The following PDGFB variants were observed in gnomAD, a reference collection of about 807,000 sequenced individuals.
The protein encoded by PDGFB is platelet derived growth factor subunit B.
PDGFB carries 6 observed loss-of-function variants against 29.0 expected under a neutral mutation model. The ratio of observed to expected loss-of-function variants is 0.21; its 90% CI spans 0.11 to 0.41. The LOEUF (loss-of-function observed/expected upper bound fraction) is 0.41. Among genes scored for constraint, PDGFB ranks in the 10% least tolerant of loss-of-function variants. The pLI is 1.00. For missense variants in PDGFB, 299 were observed against 341.8 expected (o/e 0.87, Z 0.99); for synonymous variants, 144 against 140.8 (o/e 1.02, Z -0.16).
chr22:39,228,566 C>T (rs910762632), intron 5 of PDGFB, among the ~76,000 whole-genome samples: 2 of 151,802 alleles, frequency 1.3e-5, no homozygotes, highest in Non-Finnish European at 2.9e-5. Flanking sequence ...GCACTCCAGC[C>T]TGGGTGATGG....
intron 2 of PDGFB, among the ~76,000 whole-genome samples, chr22:39,234,457 G>A (rs758243614): frequency 1.6e-4 from 24 of 152,172 alleles, no homozygotes; most frequent in Non-Finnish European, 2.9e-4. Context: ...AGGGGCATTG[G>A]GAACACGCTC....
Position 39,233,498 on chromosome 22 carries a change from T to A in PDGFB, c.187A>T (p.Asn63Tyr). Residue 63 changes from asparagine (N) to tyrosine (Y), a missense_variant, in exon 3 of 7, where the codon AAC (asparagine) becomes TAC (tyrosine). Transcript: ENST00000331163. ...CCTCCAGAGTGGGAGCGGGTCATGT[T>A]CAGGTCCAACTCGGCCCCATCTTCC... Reference protein sequence around the residue: ...GEEDGAELDLNMTRSHSGGEL... With the variant: ...GEEDGAELDLYMTRSHSGGEL... 1 of 1,594,764 alleles carries A rather than the reference T, an allele frequency of 6.3e-7. No individual in the cohort carries two copies. The highest frequency in any genetic ancestry group is 8.5e-7 in the Non-Finnish European group (1 of 1,171,780).
chr22:39,235,685 C>T (rs1215841117), intron 2 of PDGFB, 93 bp downstream of exon 2: 29 of 875,052 alleles, frequency 3.3e-5, no homozygotes, highest in South Asian at 1.8e-4. Context: ...GTTCTCCAGA[C>T]GTCAAGAAGG....
intron 2 of PDGFB, among the ~76,000 whole-genome samples, 166 bp from the exon 3 acceptor site, chr22:39,233,690 C>T (rs1289460866): frequency 6.6e-6 from 1 of 152,170 alleles, no homozygotes; most frequent in Admixed American, 6.5e-5. Context: ...AGCAGGGACC[C>T]TCCAAGCAGC....
At position 39,225,065 on chromosome 22, in the gene PDGFB, G is replaced by C. The variant is rs991337979; in HGVS notation, c.*277C>G. On this transcript the variant is annotated 3_prime_UTR_variant, in exon 7 of 7. Coordinates refer to ENST00000331163, the MANE Select transcript of PDGFB (RefSeq NM_002608.4). ...AGTCTCTCTCACACTCTTATCCCAA[G>C]TTCTTGGAGTTAAGGGAAGAAGATG... 1 of 152,858 alleles carries C rather than the reference G, an allele frequency of 6.5e-6. No homozygotes were observed. The highest frequency in any genetic ancestry group is 2.4e-5 in the African/African-American group (1 of 41,444). The allele number at this position is 152,858 out of a possible 1,614,324, so 9.5% of individuals were successfully genotyped here.
At chr22:39,240,800 C>G in intron 1 of PDGFB, 3 of 1,598,998 alleles carry the variant, frequency 1.9e-6, no homozygotes, top group African/African-American at 1.3e-5. Context: ...AGAGTTGTCA[C>G]AGAAGAGGCT....
In PDGFB at chr22:39,244,506, C is replaced by T. The variant is rs1210438276; in HGVS notation, c.-543G>A. The stretch of plus-strand genomic sequence containing the variant: ...TCCAAAGTTGGCTTTGCAACGGCAG[C>T]TCGAGCACCCGGGCAGGGAGAGGTG... On this transcript the variant is annotated 5_prime_UTR_variant, in exon 1 of 7. Transcript: ENST00000331163. The surrounding 1 kb of genome is among the most constrained non-coding windows in gnomAD (Gnocchi z 4.5). 1 of 174,846 alleles carries T rather than the reference C, an allele frequency of 5.7e-6. No individual in the cohort carries two copies. Among genetic ancestry groups the T allele is most frequent in the Non-Finnish European group, 1.2e-5 (1 of 80,888 alleles). The allele number at this position is 174,846 out of a possible 1,614,324, so 10.8% of individuals were successfully genotyped here. A position where few individuals can be genotyped will look rare whatever the true frequency, so the allele number is the denominator to read the frequency against.
intron 4 of PDGFB, among the ~76,000 whole-genome samples, chr22:39,230,854 C>A (rs914942153): frequency 1.3e-5 from 2 of 152,204 alleles, no homozygotes; most frequent in African/African-American, 4.8e-5. Flanking sequence ...TAGAGAAATG[C>A]GCACTGCCCA....
At chr22:39,233,970 C>G (rs928120383) in intron 2 of PDGFB, among the ~76,000 whole-genome samples, 1 of 144,590 alleles carries the variant, frequency 6.9e-6, no homozygotes, top group Non-Finnish European at 1.5e-5. Context: ...CACAGCCCCT[C>G]TGGAGCCCCG....
rs913971489 is a variant in PDGFB at position 39,243,833 on chromosome 22, G to T, written c.63+68C>A. ...CCAAAGTTCACTGCAGGGAGAGGAG[G>T]GGGCGGTCAGAAGGGGGGGGCGAAG... On this transcript the variant is annotated intron_variant, in intron 1 of 6. Coordinates refer to ENST00000331163, the MANE Select transcript of PDGFB (RefSeq NM_002608.4). This position sits in a 1 kb window ranked among gnomAD's most constrained non-coding sequence, Gnocchi z 6.4. 7.8e-7 allele frequency: 1 copy of T among 1,287,072 alleles called. No homozygotes were observed. The highest frequency in any genetic ancestry group is 1.3e-5 in the South Asian group (1 of 77,170). The allele number at this position is 1,287,072 out of a possible 1,614,324, so 79.7% of individuals were successfully genotyped here.
intron 1 of PDGFB, among the ~76,000 whole-genome samples, chr22:39,238,183 T>C (rs1932489613): frequency 6.6e-6 from 1 of 152,102 alleles, no homozygotes; most frequent in Non-Finnish European, 1.5e-5. Flanking sequence ...GAGCCCAGGA[T>C]AGGGTCTGAG....
chr22:39,227,475 C>A (rs1037596740), intron 5 of PDGFB, among the ~76,000 whole-genome samples: 3 of 152,242 alleles, frequency 2.0e-5, no homozygotes, highest in Admixed American at 6.5e-5. Flanking sequence ...TGGCCAGAAA[C>A]CCCCCAGCTA....
chr22:39,238,824 TGGCA>T (rs1346855390), intron 1 of PDGFB, among the ~76,000 whole-genome samples: 1 of 152,238 alleles, frequency 6.6e-6, no homozygotes, highest in Non-Finnish European at 1.5e-5. Context: ...CAGGGGACAG[TGGCA>T]ATGTATGAAG....
chr22:39,233,287 ACT>A, intron 3 of PDGFB, 146 bp downstream of exon 3: 1 of 568,558 alleles, frequency 1.8e-6, no homozygotes, highest in East Asian at 3.4e-5. Context: ...GGATGGTTTT[ACT>A]CTCTCAGTTC....
Position 39,231,843 on chromosome 22 carries a change from AC to A in PDGFB, c.251-17del. The A allele has an allele frequency of 1.2e-6, 2 of 1,609,088 alleles. No homozygotes were observed. Among genetic ancestry groups the A allele is most frequent in the Non-Finnish European group, 1.7e-6 (2 of 1,178,746 alleles). Reference sequence around the variant, plus strand: ...GTCAGGGAACCTGGGAGGAGACGAAACCTGGGTCAGGAGCGTAGGCCTGTCC... The same window carrying A: ...GTCAGGGAACCTGGGAGGAGACGAAACTGGGTCAGGAGCGTAGGCCTGTCC... On this transcript the variant is annotated splice_polypyrimidine_tract_variant and intron_variant, in intron 3 of 6. Coordinates refer to ENST00000331163, the MANE Select transcript of PDGFB (RefSeq NM_002608.4). This position sits in a 1 kb window ranked among gnomAD's most constrained non-coding sequence, Gnocchi z 4.3.
chr22:39,226,165 G>A (rs747292018), intron 5 of PDGFB, among the ~76,000 whole-genome samples: 2 of 152,196 alleles, frequency 1.3e-5, no homozygotes, highest in Non-Finnish European at 2.9e-5. Flanking sequence ...ACACAGAGCC[G>A]GGTAGATTAA....
At chr22:39,235,536 C>T (rs545196440) in intron 2 of PDGFB, among the ~76,000 whole-genome samples, 1 of 152,348 alleles carries the variant, frequency 6.6e-6, no homozygotes, top group African/African-American at 2.4e-5. Context: ...CCTGGCACCC[C>T]ACCCTTGGCA....
intron 2 of PDGFB, 87 bp downstream of exon 2, chr22:39,235,688 CAAG>C (rs1339339887): frequency 6.6e-6 from 6 of 911,952 alleles, no homozygotes; most frequent in East Asian, 5.2e-5. Context: ...CTCCAGACGT[CAAG>C]AAGGAGGGAT....
intron 2 of PDGFB, among the ~76,000 whole-genome samples, chr22:39,234,501 T>C (rs1932392839): frequency 1.3e-5 from 2 of 152,188 alleles, no homozygotes; most frequent in Non-Finnish European, 2.9e-5. Flanking sequence ...ATGGCTCCAG[T>C]TCTGGCACCG....
Sources: allele counts gnomAD v4.1 joint callset (sites outside exome capture counted in the v4.1 genomes callset), GRCh38; gene constraint gnomAD v4.1.1; non-coding constraint Gnocchi (gnomAD v3.1); transcripts MANE v1.5; gene names NCBI Gene and HGNC (gene_info 2026-07-23, HGNC 2026-07-21).